PXDN: variants seen among roughly 807,000 people sequenced by gnomAD.
The protein encoded by PXDN is peroxidasin homolog.
PXDN carries 77 observed loss-of-function variants against 140.3 expected under a neutral mutation model. The observed-to-expected ratio is 0.55, with a 90% confidence interval of 0.46 to 0.66. The LOEUF is 0.66. Ranked by LOEUF, PXDN falls within the 30% of genes least tolerant of loss-of-function variation. The probability of loss-of-function intolerance (pLI) is 0.00; values close to 1 mark genes in which losing one functional copy is unlikely to be tolerated. For missense variants in PXDN, 1,838 were observed against 2,039.5 expected, an observed-to-expected ratio of 0.90 and a Z score of 1.90; for synonymous variants, 911 against 857.4, an observed-to-expected ratio of 1.06 and a Z score of -1.09.
At chr2:1,659,094 C>T (rs968239735) in intron 14 of PXDN, among the ~76,000 whole-genome samples, 2 of 152,204 alleles carry the variant, frequency 1.3e-5, no homozygotes, top group Non-Finnish European at 2.9e-5. Context: ...GACCAAGTGG[C>T]GGCGACTATT....
intron 1 of PXDN, among the ~76,000 whole-genome samples, chr2:1,703,352 G>C (rs1558516300): frequency 4.3e-5 from 1 of 23,316 alleles, no homozygotes; most frequent in Non-Finnish European, 7.3e-5. Flanking sequence ...CCAGGTGAAG[G>C]GGGGGACAGC....
At chr2:1,695,982 T>TG (rs1572166938) in intron 1 of PXDN, among the ~76,000 whole-genome samples, 1 of 150,996 alleles carries the variant, frequency 6.6e-6, no homozygotes, top group South Asian at 2.1e-4. Context: ...CCTAGAGTGA[T>TG]GGACAGAGAG....
At chr2:1,690,326 G>A (rs1367642869) in intron 3 of PXDN, among the ~76,000 whole-genome samples, 1 of 152,092 alleles carries the variant, frequency 6.6e-6, no homozygotes, top group Non-Finnish European at 1.5e-5. Flanking sequence ...GTTTGTTACC[G>A]AGGGAGAGAG....
chr2:1,735,871 C>T (rs960005249), intron 1 of PXDN, among the ~76,000 whole-genome samples: 3 of 152,212 alleles, frequency 2.0e-5, no homozygotes, highest in Non-Finnish European at 4.4e-5. Context: ...CCATAGAAGG[C>T]TGCTTTGTCC....
intron 1 of PXDN, among the ~76,000 whole-genome samples, chr2:1,696,729 C>T (rs1180183984): frequency 1.3e-5 from 2 of 152,158 alleles, no homozygotes; most frequent in African/African-American, 2.4e-5. Context: ...CAAACCGGAC[C>T]GTGTGTTTGG....
intron 6 of PXDN, 32 bp from the exon 7 acceptor site, chr2:1,680,394 T>TG: frequency 6.2e-7 from 1 of 1,611,752 alleles, no homozygotes. Flanking sequence ...CGGTGAGACA[T>TG]GGGGTGGCTG....
chr2:1,690,166 G>A (rs1480421869), intron 3 of PXDN, among the ~76,000 whole-genome samples: 1 of 152,192 alleles, frequency 6.6e-6, no homozygotes, highest in African/African-American at 2.4e-5. Flanking sequence ...CAGCTGCTGG[G>A]TGAAAGGGTC....
chr2:1,692,394 G>A lies in PXDN; in HGVS notation c.273-395C>T, dbSNP rs1684201715. 5 of 416,370 alleles carry A rather than the reference G, an allele frequency of 1.2e-5. No individual in the cohort carries two copies. In the Admixed American group the frequency reaches 1.3e-4, roughly 11 times the overall value. The allele number at this position is 416,370 out of a possible 1,614,324, so 25.8% of individuals were successfully genotyped here. The stretch of plus-strand genomic sequence containing the variant: ...GTGGACAGACGTGCCAGGAAAGGTG[G>A]GCCCTGTGGCCCGTGCTCCATTCGA... On this transcript the variant is annotated intron_variant, in intron 2 of 22. Transcript: ENST00000252804.
rs1683291594 is a variant in PXDN at position 1,660,977 on chromosome 2, T to C, written c.1741A>G (p.Ile581Val). 6.2e-7 allele frequency: 1 copy of C among 1,614,050 alleles called. No homozygotes were observed. Among genetic ancestry groups the C allele is most frequent in the East Asian group, 2.2e-5 (1 of 44,882 alleles). ...GCGTCTGCAGGGCCAACGTCATTGATGGTCAAGAATCCTTCAGGGCTGATG... is the reference window on the plus strand; with the variant it reads ...GCGTCTGCAGGGCCAACGTCATTGACGGTCAAGAATCCTTCAGGGCTGATG... ...FHISPEGFLTINDVGPADAGR... is the reference protein window; with the variant it reads ...FHISPEGFLTVNDVGPADAGR... Residue 581 changes from isoleucine (I) to valine (V), a missense_variant, in exon 14 of 23, where the codon ATC (isoleucine) becomes GTC (valine). Ile to Val is a conservative substitution (Grantham distance 29). Transcript: ENST00000252804. The surrounding 1 kb of genome is among the most constrained non-coding windows in gnomAD (Gnocchi z 4.6).
At chr2:1,713,753 G>T (rs1572185628) in intron 1 of PXDN, among the ~76,000 whole-genome samples, 2 of 152,354 alleles carry the variant, frequency 1.3e-5, no homozygotes, top group Middle Eastern at 6.8e-3. Context: ...TGAGGCCCCG[G>T]GCCCCTGAGA....
At chr2:1,706,424 G>GC (rs1452517420) in intron 1 of PXDN, among the ~76,000 whole-genome samples, 1 of 152,272 alleles carries the variant, frequency 6.6e-6, no homozygotes, top group Admixed American at 6.5e-5. Context: ...CCAGTCACCT[G>GC]CCCCACTAAT....
chr2:1,659,316 CA>C (rs1383722792), intron 14 of PXDN, among the ~76,000 whole-genome samples: 3 of 152,170 alleles, frequency 2.0e-5, no homozygotes, highest in Non-Finnish European at 4.4e-5. Flanking sequence ...TTCAGCTAGG[CA>C]GAAACCTTAC....
chr2:1,639,493 C>A lies in PXDN; in HGVS notation c.3953-71G>T. ...CCTCGGGGAAATTAAGCACATCCTG[C>A]CAACTATGAAGTCTTCACTGGCTGC... On this transcript the variant is annotated intron_variant, in intron 19 of 22. Coordinates refer to ENST00000252804, the MANE Select transcript of PXDN (RefSeq NM_012293.3). The surrounding 1 kb of genome is among the most constrained non-coding windows in gnomAD (Gnocchi z 5.0). The A allele has an allele frequency of 6.2e-7, 1 of 1,604,042 alleles. No individual in the cohort carries two copies. The highest frequency in any genetic ancestry group is 8.5e-7 in the Non-Finnish European group (1 of 1,173,530).
intron 1 of PXDN, among the ~76,000 whole-genome samples, chr2:1,696,128 T>C (rs1314619585): frequency 6.6e-6 from 1 of 152,270 alleles, no homozygotes; most frequent in Non-Finnish European, 1.5e-5. Context: ...ATATCTTCGA[T>C]AAAATTTTAT....
At chr2:1,678,266 G>T (rs1488190702) in intron 7 of PXDN, among the ~76,000 whole-genome samples, 1 of 152,148 alleles carries the variant, frequency 6.6e-6, no homozygotes, top group South Asian at 2.1e-4. Context: ...CTGCCAGAAA[G>T]CTCCTTCTAG....
chr2:1,661,432 C>G (rs571438031), intron 13 of PXDN, among the ~76,000 whole-genome samples: 1 of 152,284 alleles, frequency 6.6e-6, no homozygotes, highest in South Asian at 2.1e-4. Context: ...CAGAGGCAGA[C>G]GCAGAGGGAC....
At chr2:1,658,097 A>C (rs1390994615) in intron 14 of PXDN, among the ~76,000 whole-genome samples, 2 of 116,740 alleles carry the variant, frequency 1.7e-5, no homozygotes, top group Non-Finnish European at 3.2e-5. Context: ...TCTCTCTGTT[A>C]CAGTGTCTGC....
rs1684859508 is a variant in PXDN, at chr2:1,714,837, G to T, written c.201-21703C>A. 6.6e-6 allele frequency among the ~76,000 whole-genome samples: 1 copy of T among 152,104 alleles called. No individual in the cohort carries two copies. The highest frequency in any genetic ancestry group is 2.4e-5 in the African/African-American group (1 of 41,410). On this transcript the variant is annotated intron_variant, in intron 1 of 22. Transcript: ENST00000252804. The surrounding 1 kb of genome is among the most constrained non-coding windows in gnomAD (Gnocchi z 4.3). The stretch of plus-strand genomic sequence containing the variant: ...GGGTCAGATGGGGCCCCTGGCCAAG[G>T]GCACAGGAAGTAGGGGGTCCCTCTC...
intron 1 of PXDN, among the ~76,000 whole-genome samples, chr2:1,740,289 G>A (rs1366963086): frequency 2.0e-5 from 3 of 152,196 alleles, no homozygotes; most frequent in African/African-American, 4.8e-5. Context: ...CTCTATCTGC[G>A]TGTGAGGAGG....
Sources: allele counts gnomAD v4.1 joint callset (sites outside exome capture counted in the v4.1 genomes callset), GRCh38; gene constraint gnomAD v4.1.1; non-coding constraint Gnocchi (gnomAD v3.1); transcripts MANE v1.5; gene names NCBI Gene and HGNC (gene_info 2026-07-23, HGNC 2026-07-21).